Variants in RGS7 observed in about 807,000 individuals in gnomAD.
RGS7 encodes regulator of G-protein signaling 7.
In RGS7, 27 loss-of-function variants were observed where a neutral mutation model predicts 81.1. The ratio of observed to expected loss-of-function variants is 0.33; its 90% confidence interval spans 0.25 to 0.46. The LOEUF (loss-of-function observed/expected upper bound fraction) is 0.46. RGS7 is among the 20% of genes least tolerant of loss of function. RGS7 has a pLI of 1.00. For synonymous variants in RGS7, 208 were observed against 207.7 expected, an observed-to-expected ratio of 1.00 and a Z score of -0.01; for missense variants, 396 against 607.4, an observed-to-expected ratio of 0.65 and a Z score of 3.66.
chr1:240,789,295 C>T (rs1337799837), intron 18 of RGS7, among the ~76,000 whole-genome samples: 1 of 152,104 alleles, frequency 6.6e-6, no homozygotes, highest in Non-Finnish European at 1.5e-5. Context: ...CGCCTCAGGA[C>T]CATGTGATGA....
At chr1:240,968,874 T>C (rs1349467204) in intron 4 of RGS7, among the ~76,000 whole-genome samples, 1 of 152,140 alleles carries the variant, frequency 6.6e-6, no homozygotes, top group Non-Finnish European at 1.5e-5. Flanking sequence ...AAATATGACA[T>C]AGAAATAGAA....
chr1:240,884,454 A>G (rs762811029), intron 6 of RGS7, among the ~76,000 whole-genome samples: 1 of 152,210 alleles, frequency 6.6e-6, no homozygotes, highest in African/African-American at 2.4e-5. Flanking sequence ...AGAATCACAC[A>G]TGTGTTTGTG....
At chr1:241,087,088 A>G (rs1470238840) in intron 3 of RGS7, among the ~76,000 whole-genome samples, 1 of 152,178 alleles carries the variant, frequency 6.6e-6, no homozygotes, top group African/African-American at 2.4e-5. Flanking sequence ...GACAGACAGC[A>G]TGGCTTAATT....
At chr1:241,123,413 G>A (rs1195472281) in intron 2 of RGS7, among the ~76,000 whole-genome samples, 1 of 152,138 alleles carries the variant, frequency 6.6e-6, no homozygotes, top group Non-Finnish European at 1.5e-5. Context: ...CCTGGCAAGT[G>A]GATTCTCCCT....
At chr1:241,059,027 A>G (rs1289841160) in intron 3 of RGS7, among the ~76,000 whole-genome samples, 3 of 152,174 alleles carry the variant, frequency 2.0e-5, no homozygotes, top group African/African-American at 7.2e-5. Context: ...AACCTATTGC[A>G]TCTCCTGAGA....
chr1:240,785,624 C>T (rs544393205), intron 18 of RGS7, among the ~76,000 whole-genome samples: 55 of 152,086 alleles, frequency 3.6e-4, no homozygotes, highest in Non-Finnish European at 5.7e-4. Context: ...ATTCCAAGGT[C>T]TTGGGAAAAT....
Position 241,116,630 on chromosome 1 carries a change from C to CTATTTTTA in RGS7, c.79-17876_79-17869dup, listed in dbSNP as rs1049513865. Among the ~76,000 whole-genome samples, 105 of 152,176 alleles carry CTATTTTTA rather than the reference C, an allele frequency of 6.9e-4. 1 individual carries two copies. Among genetic ancestry groups the CTATTTTTA allele is most frequent in the African/African-American group, 2.5e-3 (102 of 41,518 alleles). ...ATACTAATAAAGTAAAATTTGACCTCTATTTTTATATACATTCTGTAAATT... is the reference window on the plus strand; with the variant it reads ...ATACTAATAAAGTAAAATTTGACCTCTATTTTTATATTTTTATATACATTCTGTAAATT... On this transcript the variant is annotated intron_variant, in intron 2 of 18. Coordinates refer to ENST00000440928, the MANE Select transcript of RGS7 (RefSeq NM_001364886.1).
At chr1:241,212,557 C>T (rs1349291209) in intron 2 of RGS7, among the ~76,000 whole-genome samples, 1 of 152,182 alleles carries the variant, frequency 6.6e-6, no homozygotes, top group African/African-American at 2.4e-5. Flanking sequence ...GGTGGGCTTA[C>T]AGGAGGAAGC....
intron 2 of RGS7, among the ~76,000 whole-genome samples, chr1:241,159,727 G>A (rs1482151770): frequency 6.6e-6 from 1 of 152,100 alleles, no homozygotes; most frequent in Non-Finnish European, 1.5e-5. Flanking sequence ...TTTCCCAGAA[G>A]AGGTGATACT....
chr1:240,927,941 T>C (rs1242942788), intron 6 of RGS7, among the ~76,000 whole-genome samples: 2 of 152,210 alleles, frequency 1.3e-5, no homozygotes, highest in Non-Finnish European at 2.9e-5. Flanking sequence ...GATTCCATCT[T>C]GGATGCTAAT....
At chr1:241,229,318 C>T (rs1436284885) in intron 2 of RGS7, among the ~76,000 whole-genome samples, 1 of 152,130 alleles carries the variant, frequency 6.6e-6, no homozygotes, top group Non-Finnish European at 1.5e-5. Context: ...GAAAATGAAT[C>T]GAGGAAGCAG....
intron 6 of RGS7, chr1:240,920,510 C>T (rs781062197): frequency 3.2e-5 from 28 of 864,850 alleles, no homozygotes; most frequent in Non-Finnish European, 4.9e-5. Context: ...GAAGCTCTGG[C>T]CTCTATGGTG....
intron 2 of RGS7, among the ~76,000 whole-genome samples, chr1:241,102,047 CAA>C (rs540203393): frequency 4.8e-4 from 73 of 152,176 alleles, no homozygotes; most frequent in African/African-American, 1.4e-3. Flanking sequence ...ATCATTTCCA[CAA>C]GAGAAAAAAA....
intron 2 of RGS7, among the ~76,000 whole-genome samples, chr1:241,187,989 A>G (rs2072276968): frequency 1.3e-5 from 2 of 152,346 alleles, no homozygotes; most frequent in South Asian, 4.1e-4. Flanking sequence ...GGGTACAAAC[A>G]TAAAACTAAA....
At chr1:241,138,298 T>C (rs1413540520) in intron 2 of RGS7, among the ~76,000 whole-genome samples, 4 of 150,932 alleles carry the variant, frequency 2.7e-5, no homozygotes, top group Admixed American at 2.6e-4. Context: ...GTATCAGAAA[T>C]GGGAGATGTC....
At chr1:241,220,999 G>GGAAGGAAGAAAGAAAGAA (rs1558203363) in intron 2 of RGS7, among the ~76,000 whole-genome samples, 1 of 64,742 alleles carries the variant, frequency 1.5e-5, no homozygotes, top group Admixed American at 1.8e-4. Flanking sequence ...GGAAGGAAGA[G>GGAAGGAAGAAAGAAAGAA]AGAGAGAAAG....
At chr1:240,826,087 A>G (rs1225235920) in intron 10 of RGS7, among the ~76,000 whole-genome samples, 1 of 152,196 alleles carries the variant, frequency 6.6e-6, no homozygotes, top group African/African-American at 2.4e-5. Context: ...GATGAAAGCA[A>G]TTAAGTTGGG....
At chr1:240,787,831 A>T (rs72754858) in intron 18 of RGS7, among the ~76,000 whole-genome samples, 3,844 of 152,318 alleles carry the variant, frequency 0.025, 82 homozygotes, top group Non-Finnish European at 0.033. Context: ...ATGTAATCTC[A>T]GCACATGAGA....
chr1:241,087,745 T>C (rs1051507406), intron 3 of RGS7, among the ~76,000 whole-genome samples: 2 of 151,968 alleles, frequency 1.3e-5, no homozygotes, highest in African/African-American at 2.4e-5. Context: ...GGTCAGCAGT[T>C]TGAGATCAGC....
Sources: allele counts gnomAD v4.1 joint callset (sites outside exome capture counted in the v4.1 genomes callset), GRCh38; gene constraint gnomAD v4.1.1; transcripts MANE v1.5; gene names NCBI Gene and HGNC (gene_info 2026-07-23, HGNC 2026-07-21).